The following CFI variants were observed in gnomAD, a reference collection of about 807,000 sequenced individuals.
The protein encoded by CFI is C3B/C4B inactivator.
A neutral mutation model predicts 78.8 loss-of-function variants in CFI; 66 were observed. The observed-to-expected ratio is 0.84, with a 90% confidence interval of 0.69 to 1.03. The LOEUF is 1.03. CFI is among the 50% of genes least tolerant of loss of function. The pLI is 0.00. For synonymous variants in CFI, 250 were observed against 232.6 expected, an observed-to-expected ratio of 1.07 and a Z score of -0.68; for missense variants, 706 against 704.5, an observed-to-expected ratio of 1.00 and a Z score of -0.02.
chr4:109,749,199 T>C lies in CFI; in HGVS notation c.1148+19A>G. ...TCATTGTTTCGGGAAATCTAAAATT[T>C]ACTGAAGACATCTTTTACCTGAGAC... On this transcript the variant is annotated intron_variant, in intron 10 of 12. Transcript: ENST00000394634. The C allele has an allele frequency of 6.3e-7, 1 of 1,596,348 alleles. No homozygotes were observed. Among genetic ancestry groups the C allele is most frequent in the Non-Finnish European group, 8.6e-7 (1 of 1,163,812 alleles).
At chr4:109,739,641 T>C (rs191540965), downstream of CFI, among the ~76,000 whole-genome samples, 11 of 152,302 alleles carry the variant, frequency 7.2e-5, no homozygotes, top group East Asian at 7.7e-4. Context: ...CAATGGTATA[T>C]ACTAGTGTTC....
chr4:109,778,534 C>A (rs1225557764), intron 1 of CFI, among the ~76,000 whole-genome samples: 1 of 152,132 alleles, frequency 6.6e-6, no homozygotes, highest in East Asian at 1.9e-4. Flanking sequence ...AGATTCACAG[C>A]CAAATTCTAC....
At chr4:109,756,890 A>AAAGAAAGG (rs1726247785) in intron 7 of CFI, among the ~76,000 whole-genome samples, 1 of 16,628 alleles carries the variant, frequency 6.0e-5, no homozygotes, top group African/African-American at 2.0e-4. Flanking sequence ...GAAAGAAAGG[A>AAAGAAAGG]AAGAAAGAAA....
chr4:109,755,393 C>T (rs1363476661), intron 7 of CFI, among the ~76,000 whole-genome samples: 2 of 152,120 alleles, frequency 1.3e-5, no homozygotes, highest in African/African-American at 2.4e-5. Context: ...CTCTAAGATT[C>T]AACTTGCTAC....
At chr4:109,733,641 A>G in the CFI span, among the ~76,000 whole-genome samples, 1 of 152,234 alleles carries the variant, frequency 6.6e-6, no homozygotes. Context: ...GATGGACTGA[A>G]TATGAGAGAA....
Position 109,768,311 on chromosome 4 carries a change from C to G in CFI, c.58-1487G>C, listed in dbSNP as rs1483183073. On this transcript the variant is annotated intron_variant, in intron 1 of 12. Transcript: ENST00000394634. ...AAAAAAAAAAAGAATGGTATGACTGCCATCTTGACCATGAAGAAATCCTAA... is the reference window on the plus strand; with the variant it reads ...AAAAAAAAAAAGAATGGTATGACTGGCATCTTGACCATGAAGAAATCCTAA... Among the ~76,000 whole-genome samples the G allele has an allele frequency of 3.8e-4, 52 of 138,370 alleles. 1 individual carries two copies. The highest frequency in any genetic ancestry group is 3.5e-3 in the Admixed American group (46 of 13,204). The allele number at this position is 138,370 out of a possible 152,430, so 90.8% of individuals were successfully genotyped here. A position where few individuals can be genotyped will look rare whatever the true frequency, so the allele number is the denominator to read the frequency against.
rs767734237 is a variant in CFI, at chr4:109,766,763, T to C, written c.119A>G (p.His40Arg). The change falls in exon 2 of 13, where the codon CAC (histidine) becomes CGC (arginine). Residue 40 changes from histidine (H) to arginine (R), a missense_variant. His to Arg is a conservative substitution (Grantham distance 29). Coordinates refer to ENST00000394634, the MANE Select transcript of CFI (RefSeq NM_000204.5). The stretch of plus-strand genomic sequence containing the variant: ...GCAGAAGACTTTATCGCAGGAGAGG[T>C]GAGTATATTTTTTTGCTAAGCACTT... Reference protein sequence around the residue: ...EKKCLAKKYTHLSCDKVFCQP... With the variant: ...EKKCLAKKYTRLSCDKVFCQP... The C allele has an allele frequency of 2.5e-6, 4 of 1,614,060 alleles. No homozygotes were observed. The Admixed American group carries it at 6.7e-5, about 27-fold the overall frequency.
rs184212858 is a variant in CFI, at chr4:109,787,514, A to G, written c.57+14401T>C. Among the ~76,000 whole-genome samples, 809 of 152,212 alleles carry G rather than the reference A, an allele frequency of 5.3e-3. 6 individuals carry two copies. The highest frequency in any genetic ancestry group is 0.019 in the African/African-American group (775 of 41,546). On this transcript the variant is annotated intron_variant, in intron 1 of 12. Coordinates refer to ENST00000394634, the MANE Select transcript of CFI (RefSeq NM_000204.5). ...AACAGCAACCATTCTATTCAGATTA[A>G]AAAATAGGGAGAGAATGTTTCTCTG...
intron 11 of CFI, 54 bp from the exon 12 acceptor site, chr4:109,742,649 A>G: frequency 9.3e-7 from 1 of 1,075,664 alleles, no homozygotes; most frequent in Non-Finnish European, 1.4e-6. Flanking sequence ...AAATCTAAAT[A>G]CATACTCTCA....
At chr4:109,790,894 T>C (rs1731290322) in intron 1 of CFI, among the ~76,000 whole-genome samples, 1 of 152,178 alleles carries the variant, frequency 6.6e-6, no homozygotes. Flanking sequence ...TTGTGAATAG[T>C]GCCGCAATGA....
At chr4:109,788,774 T>G (rs1437221648) in intron 1 of CFI, among the ~76,000 whole-genome samples, 2 of 151,982 alleles carry the variant, frequency 1.3e-5, no homozygotes, top group African/African-American at 4.8e-5. Flanking sequence ...TGTAAAAAAT[T>G]TAAAAAGTAA....
In CFI at chr4:109,779,577, C is replaced by T. The variant is rs1159267441; in HGVS notation, c.58-12753G>A. Among the ~76,000 whole-genome samples the T allele has an allele frequency of 2.0e-5, 3 of 152,252 alleles. No homozygotes were observed. In the East Asian group the frequency reaches 5.8e-4, roughly 29 times the overall value. ...TACTACCCAAGGTAATTTATAGATT[C>T]AATGCCATCCCCATCAAGCTACCAA... On this transcript the variant is annotated intron_variant, in intron 1 of 12. Coordinates refer to ENST00000394634, the MANE Select transcript of CFI (RefSeq NM_000204.5).
chr4:109,761,559 A>G lies in CFI; in HGVS notation c.616T>C (p.Tyr206His). ...CTFTKRRTMGYQDFADVVCYT... is the reference protein window; with the variant it reads ...CTFTKRRTMGHQDFADVVCYT... ...CAAACCACATCAGCGAAATCCTGGT[A>G]ACCCATAGTTCTTCTCTTAGTAAAA... Residue 206 changes from tyrosine to histidine, a missense_variant, in exon 4 of 13, where the codon TAC (tyrosine) becomes CAC (histidine). Physicochemically the swap from Tyr to His is moderately conservative, Grantham distance 83. Transcript: ENST00000394634. The G allele has an allele frequency of 1.2e-6, 2 of 1,614,152 alleles. No homozygotes were observed. Among genetic ancestry groups the G allele is most frequent in the Non-Finnish European group, 1.7e-6 (2 of 1,180,012 alleles).
intron 11 of CFI, among the ~76,000 whole-genome samples, chr4:109,744,880 T>C (rs2073006170): frequency 6.6e-6 from 1 of 152,154 alleles, no homozygotes. Flanking sequence ...TGTATACTTG[T>C]AAATGCACAT....
chr4:109,756,214 C>A (rs971571053), intron 7 of CFI, among the ~76,000 whole-genome samples: 14 of 151,638 alleles, frequency 9.2e-5, no homozygotes, highest in Admixed American at 2.6e-4. Context: ...AAGACAGGGG[C>A]CTTGCTTGAC....
At chr4:109,743,424 C>T (rs1399677383) in intron 11 of CFI, among the ~76,000 whole-genome samples, 5 of 152,248 alleles carry the variant, frequency 3.3e-5, no homozygotes, top group East Asian at 1.9e-4. Flanking sequence ...GCTGAGGCAG[C>T]GAAAGGGCAG....
intron 1 of CFI, among the ~76,000 whole-genome samples, chr4:109,796,104 G>A (rs992995339): frequency 2.6e-5 from 4 of 152,188 alleles, no homozygotes; most frequent in East Asian, 1.9e-4. Context: ...TTGAAAGAAC[G>A]AGAAAAGCAA....
At position 109,756,978 on chromosome 4, in the gene CFI, A is replaced by AAATT. The variant is rs1415830178; in HGVS notation, c.904+781_904+784dup. Among the ~76,000 whole-genome samples the AAATT allele has an allele frequency of 6.8e-4, 97 of 143,482 alleles. 1 individual carries two copies. Among genetic ancestry groups the AAATT allele is most frequent in the African/African-American group, 2.2e-3 (87 of 39,454 alleles). The allele number at this position is 143,482 out of a possible 152,430, so 94.1% of individuals were successfully genotyped here. Reference sequence around the variant, plus strand: ...GAAAGAAAGAAAGAAAGAAAGAAAGAAATTCTGAGGAGGATCATGAACTTT... The same window carrying AAATT: ...GAAAGAAAGAAAGAAAGAAAGAAAGAAATTAATTCTGAGGAGGATCATGAACTTT... On this transcript the variant is annotated intron_variant, in intron 7 of 12. Coordinates refer to ENST00000394634, the MANE Select transcript of CFI (RefSeq NM_000204.5).
At chr4:109,749,656 T>A (rs1335505276) in intron 8 of CFI, 54 bp from the exon 9 acceptor site, 1 of 1,097,404 alleles carries the variant, frequency 9.1e-7, no homozygotes, top group African/African-American at 1.5e-5. Flanking sequence ...TTAGCGTTTT[T>A]AACACACTTC....
Sources: gnomAD v4.1 joint callset for allele counts (sites outside exome capture counted in the v4.1 genomes callset) on GRCh38, gnomAD v4.1.1 for gene constraint, MANE v1.5 for transcripts, NCBI Gene and HGNC (gene_info 2026-07-23, HGNC 2026-07-21) for gene names.